Variants in ABL1 observed in about 807,000 individuals in gnomAD.
The protein encoded by ABL1 is ABL proto-oncogene 1, non-receptor tyrosine kinase, also known as tyrosine-protein kinase ABL1.
Under a neutral mutation model 94.7 loss-of-function variants are expected in ABL1, and 11 were observed. That is an observed-to-expected ratio of 0.12 (90% CI 0.07 to 0.19). The LOEUF (loss-of-function observed/expected upper bound fraction) is 0.19. Ranked by LOEUF, ABL1 falls within the 10% of genes least tolerant of loss-of-function variation. The pLI, the probability that ABL1 is intolerant of heterozygous loss-of-function variation, is 1.00. For synonymous variants in ABL1, 656 were observed against 622.4 expected (o/e 1.05, Z -0.80); for missense variants, 1,082 against 1,489.4 (o/e 0.73, Z 4.50).
At chr9:130,734,869 G>A (rs891529224) in intron 1 of ABL1, among the ~76,000 whole-genome samples, 13 of 151,792 alleles carry the variant, frequency 8.6e-5, no homozygotes, top group East Asian at 1.9e-4. Flanking sequence ...TTGGAATGGC[G>A]GTGTGTAACA....
chr9:130,761,230 G>A (rs1308249063), intron 1 of ABL1, among the ~76,000 whole-genome samples: 3 of 152,206 alleles, frequency 2.0e-5, no homozygotes, highest in African/African-American at 7.2e-5. Flanking sequence ...GCCTCCCAAA[G>A]TGCTGGGATT....
At chr9:130,800,351 T>A (rs1421462842) in intron 1 of ABL1, among the ~76,000 whole-genome samples, 2 of 151,982 alleles carry the variant, frequency 1.3e-5, no homozygotes, top group Non-Finnish European at 2.9e-5. Flanking sequence ...GCCAAGATTA[T>A]AAAACAGTTC....
chr9:130,838,311 A>G (rs548139524), intron 1 of ABL1, among the ~76,000 whole-genome samples: 1 of 152,292 alleles, frequency 6.6e-6, no homozygotes, highest in East Asian at 1.9e-4. Context: ...TCAAAATGGT[A>G]TCTCCAGAAA....
chr9:130,802,251 G>A (rs557271302), intron 1 of ABL1, among the ~76,000 whole-genome samples: 54 of 151,718 alleles, frequency 3.6e-4, no homozygotes, highest in Admixed American at 6.6e-4. Flanking sequence ...GTGCCACCAC[G>A]CCTGGCTAAT....
In ABL1 at chr9:130,886,168, C is replaced by T. The variant is rs1831580066; in HGVS notation, c.*485C>T. 4 of 244,294 alleles carry T rather than the reference C, an allele frequency of 1.6e-5. No individual in the cohort carries two copies. The highest frequency in any genetic ancestry group is 3.2e-5 in the Non-Finnish European group (4 of 124,908). 15.1% of individuals were successfully genotyped at this position (244,294 alleles called of 1,614,324 possible). On this transcript the variant is annotated 3_prime_UTR_variant, in exon 11 of 11. Coordinates refer to ENST00000318560, the MANE Select transcript of ABL1 (RefSeq NM_005157.6). Reference sequence around the variant, plus strand: ...GCCTGCACTCCCTGGCCTTGCCCGTCGTGTGCTGAAGACATGTTTCAAGAA... The same window carrying T: ...GCCTGCACTCCCTGGCCTTGCCCGTTGTGTGCTGAAGACATGTTTCAAGAA...
In ABL1 at chr9:130,775,492, A is replaced by G. The variant is rs111391532; in HGVS notation, c.136+61037A>G. 9.9e-4 allele frequency among the ~76,000 whole-genome samples: 151 copies of G among 152,328 alleles called. 3 individuals are homozygous for G. Among genetic ancestry groups the G allele is most frequent in the African/African-American group, 3.6e-3 (148 of 41,596 alleles). The stretch of plus-strand genomic sequence containing the variant: ...CTACGATCAGTGAAATTAAAACTTC[A>G]GTGGATGGGTTTAACAAGTTAGACA... On this transcript the variant is annotated intron_variant, in intron 1 of 10. Coordinates refer to the ABL1 transcript ENST00000372348.
At chr9:130,732,189 G>A (rs1831674770) in intron 1 of ABL1, among the ~76,000 whole-genome samples, 1 of 152,138 alleles carries the variant, frequency 6.6e-6, no homozygotes, top group South Asian at 2.1e-4. Flanking sequence ...CATTGAACAA[G>A]TACTAAGTGC....
intron 1 of ABL1, among the ~76,000 whole-genome samples, chr9:130,841,211 G>A (rs180931964): frequency 1.5e-4 from 22 of 151,558 alleles, no homozygotes; most frequent in African/African-American, 2.4e-5. Context: ...GCAGTTGCAC[G>A]ATCTCAGCTC....
At chr9:130,813,822 C>T (rs144389208) in intron 1 of ABL1, among the ~76,000 whole-genome samples, 1 of 152,240 alleles carries the variant, frequency 6.6e-6, no homozygotes, top group Admixed American at 6.5e-5. Flanking sequence ...TGACTTATGA[C>T]GTCTCAACTT....
At chr9:130,861,783 T>C (rs1186786746) in intron 3 of ABL1, among the ~76,000 whole-genome samples, 4 of 152,354 alleles carry the variant, frequency 2.6e-5, no homozygotes, top group Non-Finnish European at 5.9e-5. Context: ...TTCAGTTATG[T>C]GCCTGGAGTC....
In ABL1 at chr9:130,749,415, A is replaced by C. The variant is rs34041477; in HGVS notation, c.136+34960A>C. The stretch of plus-strand genomic sequence containing the variant: ...TTTAACCTAAAAACGTTAATGGCTC[A>C]GAAAACAGAATTACATGGCATTTCC... On this transcript the variant is annotated intron_variant, in intron 1 of 10. Coordinates refer to the ABL1 transcript ENST00000372348. 1.6e-4 allele frequency among the ~76,000 whole-genome samples: 24 copies of C among 152,392 alleles called. No individual in the cohort carries two copies. The East Asian group carries it at 4.6e-3, about 29-fold the overall frequency.
At position 130,880,924 on chromosome 9, in the gene ABL1, C is replaced by A. The variant is rs1009849662; in HGVS notation, c.1678+260C>A. The stretch of plus-strand genomic sequence containing the variant: ...TGTAGGCAGAGGTGCTTCTGAAGCC[C>A]GCCAAGGAGCTAGCCCATCTCCCAC... On this transcript the variant is annotated intron_variant, in intron 10 of 10. Coordinates refer to ENST00000318560, the MANE Select transcript of ABL1 (RefSeq NM_005157.6). This position sits in a 1 kb window ranked among gnomAD's most constrained non-coding sequence, Gnocchi z 4.4. Among the ~76,000 whole-genome samples the A allele has an allele frequency of 6.6e-6, 1 of 152,216 alleles. No individual in the cohort carries two copies. The highest frequency in any genetic ancestry group is 2.4e-5 in the African/African-American group (1 of 41,454).
chr9:130,747,163 T>G (rs1428758242), intron 1 of ABL1, among the ~76,000 whole-genome samples: 1 of 152,072 alleles, frequency 6.6e-6, no homozygotes, highest in East Asian at 1.9e-4. Flanking sequence ...TTGCTTGAGC[T>G]CAGGAGTTTG....
chr9:130,792,583 A>G (rs1829923894), intron 1 of ABL1, among the ~76,000 whole-genome samples: 1 of 152,060 alleles, frequency 6.6e-6, no homozygotes, highest in Non-Finnish European at 1.5e-5. Flanking sequence ...GAAGTACGGA[A>G]TTGGGGGAGG....
chr9:130,812,200 C>CAAAAAAAAAAAAAA (rs35352789), intron 1 of ABL1, among the ~76,000 whole-genome samples: 1 of 48,764 alleles, frequency 2.1e-5, no homozygotes, highest in African/African-American at 6.3e-5. Context: ...TCCATCTCTA[C>CAAAAAAAAAAAAAA]AAAAAAAAAA....
intron 1 of ABL1, among the ~76,000 whole-genome samples, chr9:130,767,357 C>T (rs1258199977): frequency 1.3e-5 from 2 of 152,170 alleles, no homozygotes; most frequent in African/African-American, 2.4e-5. Flanking sequence ...TTTTCTGAGA[C>T]GGAGTCTCAC....
At chr9:130,783,472 A>T (rs769879864) in intron 1 of ABL1, among the ~76,000 whole-genome samples, 3 of 152,240 alleles carry the variant, frequency 2.0e-5, no homozygotes, top group Non-Finnish European at 2.9e-5. Context: ...GTCGAGCAGT[A>T]GATTACATTT....
intron 7 of ABL1, among the ~76,000 whole-genome samples, chr9:130,877,208 T>C (rs1291959076): frequency 6.7e-6 from 1 of 148,186 alleles, no homozygotes; most frequent in African/African-American, 2.6e-5. Flanking sequence ...ACTTTGTAGT[T>C]TTCCATGACG....
At chr9:130,739,173 C>T (rs955146200) in intron 1 of ABL1, among the ~76,000 whole-genome samples, 16 of 152,174 alleles carry the variant, frequency 1.1e-4, no homozygotes, top group Admixed American at 4.6e-4. Context: ...GGATTACAGG[C>T]GTGAAACACT....
Sources: gnomAD v4.1 joint callset for allele counts (sites outside exome capture counted in the v4.1 genomes callset) on GRCh38, gnomAD v4.1.1 for gene constraint, Gnocchi (gnomAD v3.1) non-coding constraint, MANE v1.5 for transcripts, NCBI Gene and HGNC (gene_info 2026-07-23, HGNC 2026-07-21) for gene names.